CNTN5: variants seen among roughly 807,000 people sequenced by gnomAD.
CNTN5 encodes contactin 5, also known as contactin-5.
A neutral mutation model predicts 129.1 loss-of-function variants in CNTN5; 77 were observed. The ratio of observed to expected loss-of-function variants is 0.60; its 90% CI spans 0.50 to 0.72. The LOEUF is 0.72. Among genes scored for constraint, CNTN5 ranks in the 30% least tolerant of loss-of-function variants. The pLI is 0.00. For missense variants in CNTN5, 1,478 were observed against 1,328.8 expected (o/e 1.11, Z -1.75); for synonymous variants, 509 against 465.6 (o/e 1.09, Z -1.20).
At chr11:99,214,194 G>C (rs11218877) in intron 1 of CNTN5, among the ~76,000 whole-genome samples, 21,126 of 151,768 alleles carry the variant, frequency 0.14, 1,549 homozygotes, top group African/African-American at 0.17. Context: ...CTGGAAGTCA[G>C]ATGAAGAAGG....
chr11:99,649,766 A>C (rs1952087977), intron 3 of CNTN5, among the ~76,000 whole-genome samples: 2 of 151,764 alleles, frequency 1.3e-5, no homozygotes, highest in Non-Finnish European at 3.0e-5. Flanking sequence ...CAGAGCAAAT[A>C]GTTTTTTGAA....
chr11:99,557,993 G>A (rs575778121), intron 3 of CNTN5, among the ~76,000 whole-genome samples: 17 of 151,734 alleles, frequency 1.1e-4, no homozygotes, highest in African/African-American at 2.9e-4. Flanking sequence ...CGTTCAACAC[G>A]TTGCTTACAG....
At chr11:99,632,200 T>G (rs911841966) in intron 3 of CNTN5, among the ~76,000 whole-genome samples, 3 of 150,396 alleles carry the variant, frequency 2.0e-5, no homozygotes, top group Non-Finnish European at 2.9e-5. Context: ...AGTGCTAAAA[T>G]GTAATAATGT....
chr11:99,845,744 G>T (rs1055009715), intron 6 of CNTN5, among the ~76,000 whole-genome samples: 1 of 152,082 alleles, frequency 6.6e-6, no homozygotes, highest in Non-Finnish European at 1.5e-5. Flanking sequence ...TAGCCTGACA[G>T]GTTGAAGTCC....
At chr11:100,355,743 T>C (rs947280102) in intron 24 of CNTN5, among the ~76,000 whole-genome samples, 2 of 151,758 alleles carry the variant, frequency 1.3e-5, no homozygotes, top group Non-Finnish European at 3.0e-5. Flanking sequence ...AGCTCATGAC[T>C]GTAAATTATG....
intron 1 of CNTN5, among the ~76,000 whole-genome samples, chr11:99,188,956 C>G (rs1858493912): frequency 6.6e-6 from 1 of 151,612 alleles, no homozygotes; most frequent in South Asian, 2.1e-4. Flanking sequence ...AATTATTCCC[C>G]CTTTTTAATT....
At chr11:100,346,948 G>T (rs1315445338) in intron 23 of CNTN5, among the ~76,000 whole-genome samples, 2 of 152,042 alleles carry the variant, frequency 1.3e-5, no homozygotes, top group African/African-American at 4.8e-5. Context: ...CTTGTGCAGG[G>T]AAACTCCCCT....
At chr11:99,909,397 G>C (rs913984671) in intron 6 of CNTN5, among the ~76,000 whole-genome samples, 4 of 152,120 alleles carry the variant, frequency 2.6e-5, no homozygotes, top group African/African-American at 9.7e-5. Context: ...GTGGAAGTCA[G>C]TGTGGCGATT....
intron 2 of CNTN5, among the ~76,000 whole-genome samples, chr11:99,457,329 G>A (rs879177221): frequency 2.6e-5 from 4 of 151,750 alleles, no homozygotes; most frequent in Admixed American, 2.6e-4. Flanking sequence ...AGCTCTCAGG[G>A]GACAGAAATA....
chr11:99,590,304 T>C (rs952935274), intron 3 of CNTN5, among the ~76,000 whole-genome samples: 3 of 152,176 alleles, frequency 2.0e-5, no homozygotes, highest in Non-Finnish European at 2.9e-5. Context: ...GGCAAAAGCA[T>C]GAGTGATGTC....
At chr11:99,873,428 A>C (rs560970493) in intron 6 of CNTN5, among the ~76,000 whole-genome samples, 1 of 152,240 alleles carries the variant, frequency 6.6e-6, no homozygotes, top group East Asian at 1.9e-4. Flanking sequence ...TTCACACACA[A>C]AAAAAGGAAT....
Position 99,655,909 on chromosome 11 carries a change from T to C in CNTN5, c.55+99640T>C, listed in dbSNP as rs1470712820. Reference sequence around the variant, plus strand: ...ATTTAGCTATTCAGAGGCTCCACAATAATACACGCATAAAATACAAATATA... The same window carrying C: ...ATTTAGCTATTCAGAGGCTCCACAACAATACACGCATAAAATACAAATATA... On this transcript the variant is annotated intron_variant, in intron 3 of 24. Coordinates refer to ENST00000524871, the MANE Select transcript of CNTN5 (RefSeq NM_014361.4). 2.0e-5 allele frequency among the ~76,000 whole-genome samples: 3 copies of C among 151,958 alleles called. No individual in the cohort carries two copies. The East Asian group carries it at 5.8e-4, about 29-fold the overall frequency.
chr11:99,847,639 T>C (rs7117085), intron 6 of CNTN5, among the ~76,000 whole-genome samples: 1,935 of 152,314 alleles, frequency 0.013, 50 homozygotes, highest in African/African-American at 0.045. Context: ...ATTATGCTTA[T>C]TCCTATGATA....
chr11:100,287,738 A>T (rs1182176125), intron 18 of CNTN5, among the ~76,000 whole-genome samples: 1 of 152,224 alleles, frequency 6.6e-6, no homozygotes, highest in Non-Finnish European at 1.5e-5. Flanking sequence ...TAATGACAGG[A>T]TCAAATTCAC....
intron 13 of CNTN5, among the ~76,000 whole-genome samples, chr11:100,141,879 C>T (rs1248370267): frequency 6.6e-6 from 1 of 151,986 alleles, no homozygotes; most frequent in African/African-American, 2.4e-5. Flanking sequence ...CTAGGTGTGT[C>T]TGTGAGGGTG....
In CNTN5 at chr11:99,295,424, A is replaced by G. The variant is rs368793451; in HGVS notation, c.-209-29922A>G. 2.2e-4 allele frequency among the ~76,000 whole-genome samples: 34 copies of G among 152,352 alleles called. No homozygotes were observed. In the East Asian group the frequency reaches 4.4e-3, roughly 20 times the overall value. ...AGTCTGTTGTGTAATGATAGCCTTTAAAGTAGAATTTGCTGTAGAACCTAT... is the reference window on the plus strand; with the variant it reads ...AGTCTGTTGTGTAATGATAGCCTTTGAAGTAGAATTTGCTGTAGAACCTAT... On this transcript the variant is annotated intron_variant, in intron 1 of 24. Coordinates refer to ENST00000524871, the MANE Select transcript of CNTN5 (RefSeq NM_014361.4).
chr11:99,278,639 G>T (rs1863557316), intron 1 of CNTN5, among the ~76,000 whole-genome samples: 2 of 151,646 alleles, frequency 1.3e-5, no homozygotes, highest in African/African-American at 4.8e-5. Context: ...TTTTGGAAGA[G>T]TCATATCACA....
rs779512597 is a variant in CNTN5 at position 99,606,340 on chromosome 11, A to C, written c.55+50071A>C. ...AGAGCCAAATCATGGGTGAACTCCC[A>C]TTCACAATTGCTTCAAAGAGAATAA... On this transcript the variant is annotated intron_variant, in intron 3 of 24. Coordinates refer to ENST00000524871, the MANE Select transcript of CNTN5 (RefSeq NM_014361.4). Among the ~76,000 whole-genome samples the C allele has an allele frequency of 6.8e-3, 906 of 133,280 alleles. 5 individuals carry two copies. The highest frequency in any genetic ancestry group is 0.031 in the Middle Eastern group (8 of 262). 87.4% of individuals were successfully genotyped at this position (133,280 alleles called of 152,430 possible). A position where few individuals can be genotyped will look rare whatever the true frequency, so the allele number is the denominator to read the frequency against.
chr11:99,815,006 G>C (rs897031978), intron 3 of CNTN5, among the ~76,000 whole-genome samples: 2 of 151,854 alleles, frequency 1.3e-5, no homozygotes, highest in African/African-American at 4.8e-5. Flanking sequence ...CAGCTCTCAT[G>C]AGAACTCACT....
Sources: gnomAD v4.1 joint callset for allele counts (sites outside exome capture counted in the v4.1 genomes callset) on GRCh38, gnomAD v4.1.1 for gene constraint, MANE v1.5 for transcripts, NCBI Gene and HGNC (gene_info 2026-07-23, HGNC 2026-07-21) for gene names.